Variants in PTPRD observed in about 807,000 individuals in gnomAD.
PTPRD encodes receptor-type tyrosine-protein phosphatase delta.
Under a neutral mutation model 214.5 loss-of-function variants are expected in PTPRD, and 34 were observed. The ratio of observed to expected loss-of-function variants is 0.16; its 90% confidence interval spans 0.12 to 0.21. The LOEUF (loss-of-function observed/expected upper bound fraction) is 0.21, where lower values mean the gene tolerates loss of function less well. Ranked by LOEUF, PTPRD falls within the 10% of genes least tolerant of loss-of-function variation. PTPRD has a pLI of 1.00. For synonymous variants in PTPRD, 1,128 were observed against 845.7 expected, an observed-to-expected ratio of 1.33 and a Z score of -5.79; for missense variants, 2,545 against 2,398.7, an observed-to-expected ratio of 1.06 and a Z score of -1.27.
At chr9:8,572,640 G>A (rs2091456173) in intron 14 of PTPRD, among the ~76,000 whole-genome samples, 1 of 151,990 alleles carries the variant, frequency 6.6e-6, no homozygotes, top group South Asian at 2.1e-4. Context: ...TAGAATAACT[G>A]CTTAGAGAGG....
chr9:10,552,664 C>T (rs923287028), intron 2 of PTPRD, among the ~76,000 whole-genome samples: 1 of 152,142 alleles, frequency 6.6e-6, no homozygotes, highest in African/African-American at 2.4e-5. Context: ...AATAACATAT[C>T]TGAATGCAAG....
intron 5 of PTPRD, among the ~76,000 whole-genome samples, chr9:9,905,949 G>A (rs1186770209): frequency 1.3e-5 from 2 of 151,870 alleles, no homozygotes; most frequent in African/African-American, 4.8e-5. Flanking sequence ...ACCAGAATAC[G>A]GTGGTTTTAG....
At chr9:8,992,063 C>T (rs1396654173) in intron 11 of PTPRD, among the ~76,000 whole-genome samples, 4 of 152,102 alleles carry the variant, frequency 2.6e-5, no homozygotes, top group African/African-American at 9.7e-5. Context: ...CTATATTCCA[C>T]ATTTACCTTC....
At position 8,978,718 on chromosome 9, in the gene PTPRD, T is replaced by C. The variant is rs560943177; in HGVS notation, c.-104+39979A>G. Among the ~76,000 whole-genome samples the C allele has an allele frequency of 5.9e-5, 9 of 152,150 alleles. No individual in the cohort carries two copies. In the East Asian group the frequency reaches 7.8e-4, roughly 13 times the overall value. On this transcript the variant is annotated intron_variant, in intron 11 of 45. Coordinates refer to ENST00000381196, the MANE Select transcript of PTPRD (RefSeq NM_002839.4). Reference sequence around the variant, plus strand: ...CATAGCCTTGGACGGCAATACTGCTTTGGAGGGAGAGACACAAGGAACAAT... The same window carrying C: ...CATAGCCTTGGACGGCAATACTGCTCTGGAGGGAGAGACACAAGGAACAAT...
At chr9:8,939,760 G>A (rs2099019811) in intron 11 of PTPRD, among the ~76,000 whole-genome samples, 1 of 152,066 alleles carries the variant, frequency 6.6e-6, no homozygotes, top group African/African-American at 2.4e-5. Context: ...ATTTGAACAG[G>A]TTAAATAGAA....
intron 2 of PTPRD, among the ~76,000 whole-genome samples, chr9:10,405,386 G>T (rs1013050965): frequency 6.6e-6 from 1 of 151,548 alleles, no homozygotes; most frequent in African/African-American, 2.4e-5. Flanking sequence ...CTGTTAACAA[G>T]AAAAGTAAAC....
At chr9:10,221,623 T>C (rs915343069) in intron 3 of PTPRD, among the ~76,000 whole-genome samples, 1 of 152,056 alleles carries the variant, frequency 6.6e-6, no homozygotes. Flanking sequence ...ACAATGTCTT[T>C]ATATTAGAGT....
chr9:8,852,716 G>T (rs902404139), intron 11 of PTPRD, among the ~76,000 whole-genome samples: 5 of 152,100 alleles, frequency 3.3e-5, no homozygotes, highest in Non-Finnish European at 7.4e-5. Flanking sequence ...ATAGGGATTT[G>T]ATTTGAAGGA....
At chr9:9,665,161 A>C (rs548193959) in intron 7 of PTPRD, among the ~76,000 whole-genome samples, 1 of 151,834 alleles carries the variant, frequency 6.6e-6, no homozygotes, top group Non-Finnish European at 1.5e-5. Context: ...CTCAGAAAGT[A>C]CTAGCTATAG....
chr9:9,185,173 G>A (rs1466400230), intron 9 of PTPRD, among the ~76,000 whole-genome samples: 2 of 151,988 alleles, frequency 1.3e-5, no homozygotes, highest in Non-Finnish European at 2.9e-5. Flanking sequence ...GAAAATGAAA[G>A]GTAATTTTCT....
intron 9 of PTPRD, among the ~76,000 whole-genome samples, chr9:9,183,725 AC>A (rs2131524771): frequency 6.6e-6 from 1 of 152,150 alleles, no homozygotes; most frequent in Non-Finnish European, 1.5e-5. Flanking sequence ...TCCTACAATT[AC>A]ATAATACATT....
At chr9:9,652,351 T>C (rs187528899) in intron 7 of PTPRD, among the ~76,000 whole-genome samples, 37 of 152,300 alleles carry the variant, frequency 2.4e-4, no homozygotes, top group African/African-American at 8.9e-4. Context: ...AAACTTATCA[T>C]TGGCATTAAT....
At chr9:8,393,861 C>T (rs1182002461) in intron 36 of PTPRD, among the ~76,000 whole-genome samples, 5 of 152,186 alleles carry the variant, frequency 3.3e-5, no homozygotes, top group East Asian at 3.9e-4. Context: ...ATGAACTGTT[C>T]TTTCTTGTGG....
chr9:10,574,885 C>T (rs966153605), intron 2 of PTPRD, among the ~76,000 whole-genome samples: 2 of 149,306 alleles, frequency 1.3e-5, no homozygotes, highest in African/African-American at 4.9e-5. Flanking sequence ...AAAGAAATTG[C>T]CTTTTCCCAT....
chr9:8,367,262 T>G (rs960595080), intron 39 of PTPRD, among the ~76,000 whole-genome samples: 38 of 152,178 alleles, frequency 2.5e-4, no homozygotes, highest in Non-Finnish European at 4.6e-4. Flanking sequence ...TGAGGTGGGT[T>G]ATCGTTTGGA....
At chr9:9,318,599 T>G (rs1964694589) in intron 9 of PTPRD, among the ~76,000 whole-genome samples, 1 of 152,206 alleles carries the variant, frequency 6.6e-6, no homozygotes. Flanking sequence ...GCAAACGATT[T>G]CAAAGAATTT....
chr9:8,513,563 C>T (rs1046783033), intron 21 of PTPRD, among the ~76,000 whole-genome samples: 2 of 152,052 alleles, frequency 1.3e-5, no homozygotes, highest in Non-Finnish European at 2.9e-5. Flanking sequence ...AAATGTACTT[C>T]AATTCCTACA....
At chr9:9,824,468 A>T (rs1253646238) in intron 5 of PTPRD, among the ~76,000 whole-genome samples, 1 of 152,046 alleles carries the variant, frequency 6.6e-6, no homozygotes, top group African/African-American at 2.4e-5. Flanking sequence ...GCTTTATTAC[A>T]TGAATACAGC....
intron 39 of PTPRD, among the ~76,000 whole-genome samples, chr9:8,364,677 G>A (rs780819937): frequency 7.9e-5 from 12 of 152,180 alleles, no homozygotes; most frequent in South Asian, 2.1e-4. Flanking sequence ...AGGCACTGCC[G>A]CAAGGCAGGA....
Sources: allele counts gnomAD v4.1 joint callset (sites outside exome capture counted in the v4.1 genomes callset), GRCh38; gene constraint gnomAD v4.1.1; transcripts MANE v1.5; gene names NCBI Gene and HGNC (gene_info 2026-07-23, HGNC 2026-07-21).